FGF22: variants seen among roughly 807,000 people sequenced by gnomAD.
The protein encoded by FGF22 is FGF-22.
Under a neutral mutation model 10.3 loss-of-function variants are expected in FGF22, and 11 were observed. The ratio of observed to expected loss-of-function variants is 1.07; its 90% CI spans 0.67 to 1.77. The LOEUF is 1.77. Ranked by LOEUF, FGF22 falls within the 40% of genes most tolerant of loss-of-function variation. The pLI, the probability that FGF22 is intolerant of heterozygous loss-of-function variation, is 0.00. For missense variants in FGF22, 317 were observed against 273.2 expected (o/e 1.16, Z -1.13); for synonymous variants, 136 against 122.1 (o/e 1.11, Z -0.75).
At chr19:643,535 G>A in exon 3 of FGF22, 2 of 1,602,286 alleles carry the variant, frequency 1.2e-6, no homozygotes, top group Non-Finnish European at 8.5e-7. Context: ...GGAGGGGGGG[G>A]CCCCGGCCAG....
At chr19:641,447 C>T (rs1029779868) in intron 1 of FGF22, 7 of 354,908 alleles carry the variant, frequency 2.0e-5, no homozygotes, top group South Asian at 1.0e-4. Flanking sequence ...TGGTGGCGGG[C>T]GCCTGTAGTC....
At chr19:641,128 C>CT (rs1568183574) in intron 1 of FGF22, 2 of 455,386 alleles carry the variant, frequency 4.4e-6, no homozygotes, top group South Asian at 3.1e-5. Flanking sequence ...TCCTGCCCTT[C>CT]GTGCATTCGC....
Position 643,522 on chromosome 19 carries a change from A to G in FGF22, c.431A>G (p.Asp144Gly), listed in dbSNP as rs1198157646. The G allele has an allele frequency of 1.9e-6, 3 of 1,607,096 alleles. No individual in the cohort carries two copies. Among genetic ancestry groups the G allele is most frequent in the Admixed American group, 1.7e-5 (1 of 59,736 alleles). The change falls in exon 3 of 3, where the codon GAC becomes GGC. Residue 144 changes from aspartate to glycine, a missense_variant. By Grantham distance (94) the Asp-to-Gly change is moderately conservative. Coordinates refer to ENST00000215530, the Ensembl canonical transcript of FGF22. ...GGCCAGCCCATGTTCCTGGCGCTGG[A>G]CAGGAGGGGGGGGCCCCGGCCAGGC...
chr19:643,306 G>A lies in FGF22; in HGVS notation c.286G>A (p.Ala96Thr), dbSNP rs760467518. Residue 96 changes from alanine (A) to threonine (T), a missense_variant, in exon 2 of 3, where the codon GCC becomes ACC. Ala to Thr is a moderately conservative substitution (Grantham distance 58). Transcript: ENST00000215530. ...AGCAGTGTCCTCAGGCTTCTACGTGGCCATGAACCGCCGGGGCCGCCTCTA... is the reference window on the plus strand; with the variant it reads ...AGCAGTGTCCTCAGGCTTCTACGTGACCATGAACCGCCGGGGCCGCCTCTA... 3.7e-6 allele frequency: 6 copies of A among 1,601,004 alleles called. No homozygotes were observed. In the Admixed American group the frequency reaches 6.7e-5, roughly 18 times the overall value.
At chr19:639,993 C>A in exon 1 of FGF22, 1 of 1,297,556 alleles carries the variant, frequency 7.7e-7, no homozygotes, top group Non-Finnish European at 9.7e-7. Flanking sequence ...GCCGCGGGAA[C>A]CCCGAGCGCG....
In FGF22 at chr19:640,150, G is replaced by A; in HGVS notation, c.214+11G>A. On this transcript the variant is annotated intron_variant, in intron 1 of 2. Coordinates refer to ENST00000215530, the Ensembl canonical transcript of FGF22. The stretch of plus-strand genomic sequence containing the variant: ...GCCACGGCCAGGACAGTGAGTGCGG[G>A]GCGGCGGGGGCCTGGGGTGGGGAGG... 2 of 1,293,446 alleles carry A rather than the reference G, an allele frequency of 1.5e-6. No individual in the cohort carries two copies. Among genetic ancestry groups the A allele is most frequent in the Admixed American group, 4.1e-5 (1 of 24,154 alleles). 80.1% of individuals were successfully genotyped at this position (1,293,446 alleles called of 1,614,324 possible). A position where few individuals can be genotyped will look rare whatever the true frequency, so the allele number is the denominator to read the frequency against.
At chr19:641,299 G>A (rs1181492832) in intron 1 of FGF22, 11 of 454,036 alleles carry the variant, frequency 2.4e-5, no homozygotes, top group African/African-American at 6.0e-5. Context: ...ACGGTTGGCC[G>A]GGTGCAGTGG....
Position 643,528 on chromosome 19 carries a change from G to C in FGF22, c.437G>C (p.Arg146Thr), listed in dbSNP as rs527353913. 4.4e-6 allele frequency: 7 copies of C among 1,583,974 alleles called. No individual in the cohort carries two copies. Among genetic ancestry groups the C allele is most frequent in the Middle Eastern group, 1.7e-4 (1 of 5,888 alleles). The stretch of plus-strand genomic sequence containing the variant: ...CCCATGTTCCTGGCGCTGGACAGGA[G>C]GGGGGGGCCCCGGCCAGGCGGCCGG... The change falls in exon 3 of 3, where the codon AGG becomes ACG. Residue 146 changes from arginine (R) to threonine (T), a missense_variant. Transcript: ENST00000215530.
At chr19:640,003 G>T in exon 1 of FGF22, 1 of 1,313,410 alleles carries the variant, frequency 7.6e-7, no homozygotes, top group Admixed American at 3.9e-5. Context: ...CCCCGAGCGC[G>T]TCGCGGGGAC....
rs1207252969 is a variant in FGF22 at position 642,236 on chromosome 19, G to C, written c.215-999G>C. Among the ~76,000 whole-genome samples, 6 of 117,284 alleles carry C rather than the reference G, an allele frequency of 5.1e-5. 1 individual carries two copies. The highest frequency in any genetic ancestry group is 1.9e-4 in the African/African-American group (6 of 32,394). 76.9% of individuals were successfully genotyped at this position (117,284 alleles called of 152,430 possible). ...GAGGGCCGGGCTGGGGGCTCCATAT[G>C]GGGTGGTGTGAGCTGTGAGGGCCGG... On this transcript the variant is annotated intron_variant, in intron 1 of 2. Transcript: ENST00000215530.
chr19:640,060 C>A (rs994080533), exon 1 of FGF22: 26 of 1,419,580 alleles, frequency 1.8e-5, no homozygotes, highest in Non-Finnish European at 2.2e-5. Flanking sequence ...GGCGGCGCCT[C>A]TTCTCCTCCA....
At chr19:643,461 C>G in exon 3 of FGF22, 1 of 1,611,552 alleles carries the variant, frequency 6.2e-7, no homozygotes, top group South Asian at 1.1e-5. Context: ...AGAGAACGGC[C>G]ACAACACCTA....
chr19:641,189 A>G (rs1985886676), intron 1 of FGF22: 2 of 456,408 alleles, frequency 4.4e-6, no homozygotes, highest in Non-Finnish European at 8.8e-6. Context: ...TGGGGGACCC[A>G]GTGGTGACAG....
chr19:643,360 G>A (rs1251189541), intron 2 of FGF22, 22 bp downstream of exon 2: 1 of 1,603,520 alleles, frequency 6.2e-7, no homozygotes. Context: ...GCAGGGCTGG[G>A]CGGCGCGGGC....
chr19:640,905 T>C, intron 1 of FGF22: 1 of 304,804 alleles, frequency 3.3e-6, no homozygotes, highest in Non-Finnish European at 6.7e-6. Flanking sequence ...CGCTTTCATC[T>C]GGGCGCCAAG....
exon 1 of FGF22, chr19:639,900 G>C (rs1985841407): frequency 8.3e-7 from 1 of 1,201,372 alleles, no homozygotes; most frequent in Non-Finnish European, 1.0e-6. Flanking sequence ...GGAGCGACGA[G>C]CGCGCAGCGA....
chr19:640,668 C>T (rs1985869939), intron 1 of FGF22: 1 of 156,470 alleles, frequency 6.4e-6, no homozygotes, highest in Admixed American at 6.3e-5. Context: ...ACGGAGCGGG[C>T]GTCTCTGTCC....
chr19:643,044 T>TGG (rs796395085), intron 1 of FGF22, among the ~76,000 whole-genome samples, 191 bp from the exon 2 acceptor site: 310 of 15,686 alleles, frequency 0.02, 1 homozygote, highest in African/African-American at 0.045. Flanking sequence ...CCTCACATGC[T>TGG]GGGGGGGGCT....
intron 1 of FGF22, chr19:640,381 C>A: frequency 2.8e-6 from 1 of 352,416 alleles, no homozygotes; most frequent in East Asian, 4.2e-5. Flanking sequence ...TGTGGTACAA[C>A]CCTGTGGGTG....
Sources: allele counts gnomAD v4.1 joint callset (sites outside exome capture counted in the v4.1 genomes callset), GRCh38; gene constraint gnomAD v4.1.1; transcripts MANE v1.5; gene names NCBI Gene and HGNC (gene_info 2026-07-23, HGNC 2026-07-21).